The following SPMIP11 variants were observed in gnomAD, a reference collection of about 807,000 sequenced individuals.
SPMIP11 encodes the protein sperm microtubule inner protein 11, also known as long intergenic non-protein coding RNA 935.
chr12:48,771,155 A>G, the SPMIP11 span: 1 of 620,680 alleles, frequency 1.6e-6, no homozygotes. This position sits in a 1 kb window ranked among gnomAD's most constrained non-coding sequence, Gnocchi z 4.3. Flanking sequence ...GACTCCAGGC[A>G]GGACTTGGGC....
At chr12:48,740,453 T>C in the SPMIP11 span, among the ~76,000 whole-genome samples, 1 of 152,006 alleles carries the variant, frequency 6.6e-6, no homozygotes, top group Non-Finnish European at 1.5e-5. Context: ...TTACCTACAG[T>C]GCATTTCTCA....
the SPMIP11 span, chr12:48,736,244 G>A: frequency 3.3e-5 from 10 of 305,894 alleles, no homozygotes; most frequent in South Asian, 4.9e-5. Flanking sequence ...TCTCTACCCC[G>A]CAAAAAAACA....
At chr12:48,737,661 C>T in the SPMIP11 span, among the ~76,000 whole-genome samples, 12 of 151,072 alleles carry the variant, frequency 7.9e-5, no homozygotes, top group Admixed American at 6.6e-4. Flanking sequence ...GTGATCCACC[C>T]GCCTCGGCCT....
the SPMIP11 span, among the ~76,000 whole-genome samples, chr12:48,732,634 G>T: frequency 6.6e-6 from 1 of 151,952 alleles, no homozygotes; most frequent in Non-Finnish European, 1.5e-5. Context: ...GCTGGGTGTG[G>T]TGACGGACGC....
chr12:48,734,644 T>A, the SPMIP11 span, among the ~76,000 whole-genome samples: 2 of 152,172 alleles, frequency 1.3e-5, no homozygotes, highest in African/African-American at 2.4e-5. Context: ...CTGTGATTGT[T>A]AATTTATATG....
chr12:48,730,255 A>C, the SPMIP11 span, among the ~76,000 whole-genome samples: 2 of 152,170 alleles, frequency 1.3e-5, no homozygotes, highest in East Asian at 3.9e-4. Context: ...CCTCTGTGGG[A>C]TGACGGAGAA....
At chr12:48,745,172 G>A in the SPMIP11 span, among the ~76,000 whole-genome samples, 1 of 151,552 alleles carries the variant, frequency 6.6e-6, no homozygotes, top group Admixed American at 6.6e-5. Context: ...TTGGGGTTGG[G>A]GGGATTGAGG....
chr12:48,766,186 A>G, the SPMIP11 span: 2 of 152,766 alleles, frequency 1.3e-5, no homozygotes, highest in African/African-American at 2.4e-5. Context: ...GCTACAGAGA[A>G]CAGAGAATTT....
the SPMIP11 span, among the ~76,000 whole-genome samples, chr12:48,769,635 G>T: frequency 6.8e-6 from 1 of 147,878 alleles, no homozygotes; most frequent in Non-Finnish European, 1.5e-5. Flanking sequence ...TGCCCAGGAT[G>T]GAGTGCAGTG....
chr12:48,770,742 C>G, the SPMIP11 span: 3 of 1,608,522 alleles, frequency 1.9e-6, no homozygotes, highest in East Asian at 2.2e-5. Flanking sequence ...TGGGAAAACC[C>G]GCCAAGCAAC....
chr12:48,735,003 CAAAAAA>C, the SPMIP11 span, among the ~76,000 whole-genome samples: 1 of 84,126 alleles, frequency 1.2e-5, no homozygotes, highest in African/African-American at 5.1e-5. Flanking sequence ...GACTCTGTCT[CAAAAAA>C]AAAAAAAAAA....
the SPMIP11 span, among the ~76,000 whole-genome samples, chr12:48,733,072 CTT>C: frequency 1.8e-5 from 2 of 110,836 alleles, no homozygotes; most frequent in Non-Finnish European, 1.7e-5. Context: ...ACAAGTTAAT[CTT>C]TTTTTTTTTT....
chr12:48,759,073 T>G, the SPMIP11 span: 1 of 604,242 alleles, frequency 1.7e-6, no homozygotes, highest in East Asian at 2.8e-5. Context: ...GTGATTGGAT[T>G]CCTGAGGTCC....
At chr12:48,760,252 C>T in the SPMIP11 span, among the ~76,000 whole-genome samples, 5 of 152,166 alleles carry the variant, frequency 3.3e-5, no homozygotes, top group Non-Finnish European at 7.3e-5. Context: ...TAGCTCACTG[C>T]AGCCTCGAAC....
At chr12:48,735,003 CAAAAAAA>C in the SPMIP11 span, among the ~76,000 whole-genome samples, 2 of 84,108 alleles carry the variant, frequency 2.4e-5, no homozygotes, top group South Asian at 9.6e-4. Context: ...GACTCTGTCT[CAAAAAAA>C]AAAAAAAAAA....
the SPMIP11 span, among the ~76,000 whole-genome samples, chr12:48,743,237 A>G: frequency 4.6e-5 from 7 of 151,998 alleles, no homozygotes; most frequent in Admixed American, 1.3e-4. Flanking sequence ...TACTAAAAAA[A>G]AAAAAAAAAA....
the SPMIP11 span, among the ~76,000 whole-genome samples, chr12:48,751,595 A>T: frequency 2.0e-5 from 3 of 152,186 alleles, no homozygotes; most frequent in African/African-American, 7.2e-5. Flanking sequence ...ACAGAGTGAG[A>T]CTGACTCAAA....
At chr12:48,757,006 C>T in the SPMIP11 span, among the ~76,000 whole-genome samples, 1 of 152,106 alleles carries the variant, frequency 6.6e-6, no homozygotes, top group Non-Finnish European at 1.5e-5. Context: ...AAACTTCTGA[C>T]CTCAGGTGAT....
chr12:48,746,868 C>G, the SPMIP11 span, among the ~76,000 whole-genome samples: 17 of 152,012 alleles, frequency 1.1e-4, no homozygotes, highest in East Asian at 3.0e-3. Flanking sequence ...TTGCAGTGAG[C>G]TGACCTTGTG....
Sources: gnomAD v4.1 joint callset for allele counts (sites outside exome capture counted in the v4.1 genomes callset) on GRCh38, gnomAD v4.1.1 for gene constraint, Gnocchi (gnomAD v3.1) non-coding constraint, MANE v1.5 for transcripts, NCBI Gene and HGNC (gene_info 2026-07-23, HGNC 2026-07-21) for gene names.